Variants in AKAP6 observed in about 807,000 individuals in gnomAD.
The protein encoded by AKAP6 is A-kinase anchoring protein 6.
In AKAP6, 58 loss-of-function variants were observed where a neutral mutation model predicts 188.5. That is an observed-to-expected ratio of 0.31 (90% CI 0.25 to 0.38). AKAP6 has a LOEUF of 0.38. Among genes scored for constraint, AKAP6 ranks in the 10% least tolerant of loss-of-function variants. The pLI is 1.00. For synonymous variants in AKAP6, 989 were observed against 998.6 expected, an observed-to-expected ratio of 0.99 and a Z score of 0.18; for missense variants, 2,710 against 2,740.0, an observed-to-expected ratio of 0.99 and a Z score of 0.24.
intron 9 of AKAP6, among the ~76,000 whole-genome samples, chr14:32,701,172 T>G (rs971166598): frequency 6.6e-6 from 1 of 152,152 alleles, no homozygotes; most frequent in African/African-American, 2.4e-5. Flanking sequence ...TTGGGGTTAT[T>G]TATAAGAATC....
chr14:32,636,625 A>G (rs1887502542), intron 7 of AKAP6, among the ~76,000 whole-genome samples: 1 of 152,094 alleles, frequency 6.6e-6, no homozygotes, highest in African/African-American at 2.4e-5. Context: ...ACTGGGAATC[A>G]CATAGCTTTC....
In AKAP6 at chr14:32,786,299, T is replaced by TTTTTTTTGTTTTTG. The variant is rs2033407954; in HGVS notation, c.3588+12413_3588+12414insGTTTTTGTTTTTTT. Among the ~76,000 whole-genome samples the TTTTTTTTGTTTTTG allele has an allele frequency of 1.7e-4, 7 of 40,954 alleles. 1 individual carries two copies. The highest frequency in any genetic ancestry group is 6.8e-4 in the African/African-American group (7 of 10,228). 26.9% of individuals were successfully genotyped at this position (40,954 alleles called of 152,430 possible). ...CCTCTGAAAGACCTAAACCTTTATC[T>TTTTTTTTGTTTTTG]TTTTTTTTTTTTTTTTTTTTTTTTT... On this transcript the variant is annotated intron_variant, in intron 12 of 13. Transcript: ENST00000280979.
intron 12 of AKAP6, among the ~76,000 whole-genome samples, chr14:32,807,339 A>T (rs1400858857): frequency 1.3e-5 from 2 of 152,096 alleles, no homozygotes; most frequent in Non-Finnish European, 2.9e-5. Flanking sequence ...AAAAAAAAAA[A>T]AAGATTTAAA....
intron 9 of AKAP6, among the ~76,000 whole-genome samples, chr14:32,699,216 G>A (rs1250776381): frequency 6.6e-6 from 1 of 152,044 alleles, no homozygotes; most frequent in Non-Finnish European, 1.5e-5. Context: ...AAATCAGCTA[G>A]CCTTACCTCC....
chr14:32,426,671 G>C (rs1179110845), intron 1 of AKAP6, among the ~76,000 whole-genome samples: 1 of 152,192 alleles, frequency 6.6e-6, no homozygotes, highest in African/African-American at 2.4e-5. Context: ...TGTTCACTGA[G>C]TCCAGGTCCA....
Position 32,803,673 on chromosome 14 carries a change from T to C in AKAP6, c.3589-17729T>C, listed in dbSNP as rs140526536. Among the ~76,000 whole-genome samples the C allele has an allele frequency of 1.1e-3, 173 of 152,326 alleles. 3 individuals are homozygous for C. The highest frequency in any genetic ancestry group is 3.8e-3 in the African/African-American group (160 of 41,568). On this transcript the variant is annotated intron_variant, in intron 12 of 13. Transcript: ENST00000280979. Reference sequence around the variant, plus strand: ...TCTTTCTCTACCCAGCTTTTGAGTCTAGATGCTCTTTTCATTCTCTTCTTT... The same window carrying C: ...TCTTTCTCTACCCAGCTTTTGAGTCCAGATGCTCTTTTCATTCTCTTCTTT...
chr14:32,646,669 C>T (rs1887998700), intron 7 of AKAP6, among the ~76,000 whole-genome samples: 1 of 152,104 alleles, frequency 6.6e-6, no homozygotes, highest in Admixed American at 6.6e-5. Flanking sequence ...GTTATCTTCC[C>T]TAGGGAACCT....
intron 2 of AKAP6, among the ~76,000 whole-genome samples, chr14:32,522,262 C>G (rs1330988003): frequency 6.6e-6 from 1 of 152,194 alleles, no homozygotes; most frequent in Non-Finnish European, 1.5e-5. Flanking sequence ...CAATACCATT[C>G]AGGACATAGG....
rs71115086 is a variant in AKAP6, at chr14:32,615,167, C to CAAAAAAA, written c.2730+14388_2730+14394dup. Among the ~76,000 whole-genome samples, 235 of 53,476 alleles carry CAAAAAAA rather than the reference C, an allele frequency of 4.4e-3. 25 individuals are homozygous for CAAAAAAA. Among genetic ancestry groups the CAAAAAAA allele is most frequent in the South Asian group, 0.017 (19 of 1,144 alleles). The allele number at this position is 53,476 out of a possible 152,430, so 35.1% of individuals were successfully genotyped here. ...CTGGCAACAGAGCAAGACTCTGTCTCAAAAAAAAAAAAAAAAAAAGATAAA... is the reference window on the plus strand; with the variant it reads ...CTGGCAACAGAGCAAGACTCTGTCTCAAAAAAAAAAAAAAAAAAAAAAAAAAGATAAA... On this transcript the variant is annotated intron_variant, in intron 7 of 13. Coordinates refer to ENST00000280979, the MANE Select transcript of AKAP6 (RefSeq NM_004274.5).
At chr14:32,592,527 G>A (rs1011279202) in intron 5 of AKAP6, among the ~76,000 whole-genome samples, 1 of 152,098 alleles carries the variant, frequency 6.6e-6, no homozygotes, top group African/African-American at 2.4e-5. Flanking sequence ...GGTGTGAGCT[G>A]GAAACTTTAA....
chr14:32,535,877 A>T, intron 3 of AKAP6, 72 bp downstream of exon 3: 2 of 1,538,616 alleles, frequency 1.3e-6, no homozygotes, highest in Non-Finnish European at 1.8e-6. Flanking sequence ...CAGTTTAGAG[A>T]TGTAGGATAG....
At chr14:32,459,823 A>G (rs1891265138) in intron 2 of AKAP6, among the ~76,000 whole-genome samples, 1 of 152,108 alleles carries the variant, frequency 6.6e-6, no homozygotes, top group Non-Finnish European at 1.5e-5. Flanking sequence ...TTAGCCACAT[A>G]GAACTTCAGG....
At chr14:32,471,443 A>G (rs1041455441) in intron 2 of AKAP6, among the ~76,000 whole-genome samples, 2 of 152,266 alleles carry the variant, frequency 1.3e-5, no homozygotes, top group Admixed American at 6.5e-5. Flanking sequence ...AAGCAAGATC[A>G]TAGTGCTACT....
chr14:32,626,758 G>A (rs187191910), intron 7 of AKAP6, among the ~76,000 whole-genome samples: 40 of 152,066 alleles, frequency 2.6e-4, no homozygotes, highest in African/African-American at 7.5e-4. Flanking sequence ...AAAATTAATC[G>A]CATTTGATGC....
intron 7 of AKAP6, among the ~76,000 whole-genome samples, chr14:32,618,549 G>C (rs1886682006): frequency 1.3e-5 from 2 of 152,160 alleles, no homozygotes; most frequent in Non-Finnish European, 2.9e-5. Context: ...TGACTGAGTA[G>C]TATTCCGTGG....
intron 3 of AKAP6, among the ~76,000 whole-genome samples, chr14:32,539,844 C>A (rs1280766169): frequency 1.3e-5 from 2 of 152,008 alleles, no homozygotes; most frequent in Non-Finnish European, 2.9e-5. Context: ...CGTGGTAGGG[C>A]TGAAAGGAAT....
intron 2 of AKAP6, among the ~76,000 whole-genome samples, chr14:32,492,513 C>T (rs563117157): frequency 9.9e-5 from 15 of 151,742 alleles, no homozygotes; most frequent in Non-Finnish European, 1.5e-4. Flanking sequence ...CATAGCTTTC[C>T]AGACTGATGT....
At chr14:32,576,469 G>A (rs976448994) in intron 4 of AKAP6, among the ~76,000 whole-genome samples, 3 of 152,038 alleles carry the variant, frequency 2.0e-5, no homozygotes, top group African/African-American at 7.2e-5. Flanking sequence ...GTGCTTCCTA[G>A]CCAAGAATAT....
At chr14:32,467,954 A>G (rs1460427466) in intron 2 of AKAP6, among the ~76,000 whole-genome samples, 1 of 151,098 alleles carries the variant, frequency 6.6e-6, no homozygotes, top group Non-Finnish European at 1.5e-5. Context: ...TTTTCTCCCT[A>G]GTCTTTGTCA....
Sources: gnomAD v4.1 joint callset for allele counts (sites outside exome capture counted in the v4.1 genomes callset) on GRCh38, gnomAD v4.1.1 for gene constraint, MANE v1.5 for transcripts, NCBI Gene and HGNC (gene_info 2026-07-23, HGNC 2026-07-21) for gene names.